The following ZZEF1 variants were observed in gnomAD, a reference collection of about 807,000 sequenced individuals.
ZZEF1 encodes zinc finger ZZ-type and EF-hand domain-containing protein 1.
ZZEF1 carries 157 observed loss-of-function variants against 342.8 expected under a neutral mutation model. That is an observed-to-expected ratio of 0.46 (90% confidence interval 0.40 to 0.52). The LOEUF is 0.52. Among genes scored for constraint, ZZEF1 ranks in the 20% least tolerant of loss-of-function variants. The probability of loss-of-function intolerance (pLI) is 0.00; values close to 1 mark genes in which losing one functional copy is unlikely to be tolerated. For missense variants in ZZEF1, 3,480 were observed against 3,725.6 expected, an observed-to-expected ratio of 0.93 and a Z score of 1.72; for synonymous variants, 1,505 against 1,429.1, an observed-to-expected ratio of 1.05 and a Z score of -1.20.
At position 4,025,019 on chromosome 17, in the gene ZZEF1, C is replaced by T; in HGVS notation, c.6992G>A (p.Ser2331Asn). 2.5e-6 allele frequency: 4 copies of T among 1,614,228 alleles called. No homozygotes were observed. The South Asian group carries it at 4.4e-5, about 18-fold the overall frequency. Residue 2331 changes from serine (S) to asparagine (N), a missense_variant, in exon 43 of 55, where the codon AGT (serine) becomes AAT (asparagine). By Grantham distance (46) the Ser-to-Asn change is conservative. Around this residue, in one of 5 missense-constraint regions of ZZEF1, gnomAD observed 1,269 missense variants for 1,342.4 expected, o/e 0.95. Transcript: ENST00000381638. ...GTCCATGCTGCTTTGCAGAAGGTGA[C>T]TGGCGATAAAGGCAAAGTGCTGGGA... ...QYSQHFAFIA[S>N]HLLQSSMDSH...
At chr17:4,103,630 G>A (rs771689519) in intron 8 of ZZEF1, among the ~76,000 whole-genome samples, 3 of 151,950 alleles carry the variant, frequency 2.0e-5, no homozygotes, top group Non-Finnish European at 2.9e-5. Context: ...GAAACCTCAC[G>A]GCAGAAGCCA....
chr17:4,100,625 G>A (rs2058111130), intron 9 of ZZEF1, among the ~76,000 whole-genome samples: 1 of 152,164 alleles, frequency 6.6e-6, no homozygotes, highest in Admixed American at 6.6e-5. Flanking sequence ...CACGAGGTCA[G>A]GAGATCGAGA....
chr17:4,062,885 T>C lies in ZZEF1; in HGVS notation c.4751A>G (p.Gln1584Arg), dbSNP rs1214828859. The C allele has an allele frequency of 3.7e-6, 6 of 1,612,412 alleles. No homozygotes were observed. Among genetic ancestry groups the C allele is most frequent in the Middle Eastern group, 3.7e-4 (2 of 5,386 alleles). ...CAGGACTTCCAGGATGCTCTGGGCC[T>C]GGGCTTTCCTCAGGGAAAGAACCTT... Reference protein sequence around the residue: ...VVKVLSLRKAQAQSILEVLKI... With the variant: ...VVKVLSLRKARAQSILEVLKI... The change falls in exon 30 of 55, where the codon CAG (glutamine) becomes CGG (arginine). Residue 1584 changes from glutamine (Q) to arginine (R), a missense_variant. Gln to Arg is a conservative substitution (Grantham distance 43, BLOSUM62 1). Coordinates refer to ENST00000381638, the MANE Select transcript of ZZEF1 (RefSeq NM_015113.4).
At chr17:4,104,540 T>C in intron 8 of ZZEF1, 93 bp downstream of exon 8, 3 of 1,387,624 alleles carry the variant, frequency 2.2e-6, no homozygotes, top group Non-Finnish European at 3.0e-6. Context: ...CCCAAAAAGA[T>C]GAGAAGATAC....
intron 43 of ZZEF1, 126 bp from the exon 44 acceptor site, chr17:4,022,954 A>C (rs1168897425): frequency 2.2e-5 from 29 of 1,307,556 alleles, no homozygotes; most frequent in Non-Finnish European, 2.8e-5. Context: ...TTTTGAATGA[A>C]GCCTATTTTA....
At chr17:4,132,160 T>C (rs899177455) in intron 1 of ZZEF1, among the ~76,000 whole-genome samples, 1 of 151,852 alleles carries the variant, frequency 6.6e-6, no homozygotes, top group East Asian at 1.9e-4. Context: ...CTATATACCG[T>C]GTGCATGTAC....
intron 24 of ZZEF1, among the ~76,000 whole-genome samples, chr17:4,073,889 C>T (rs1007658037): frequency 5.9e-5 from 9 of 151,916 alleles, no homozygotes; most frequent in African/African-American, 1.7e-4. Flanking sequence ...AAAAAAATGA[C>T]AATGTTGCCA....
At chr17:4,136,916 T>C (rs2058758053) in intron 1 of ZZEF1, among the ~76,000 whole-genome samples, 1 of 152,106 alleles carries the variant, frequency 6.6e-6, no homozygotes. Flanking sequence ...TCAAACTCCA[T>C]GCTGCTGGTA....
At chr17:4,038,875 T>G (rs1241020272) in intron 39 of ZZEF1, among the ~76,000 whole-genome samples, 1 of 152,110 alleles carries the variant, frequency 6.6e-6, no homozygotes, top group Non-Finnish European at 1.5e-5. Flanking sequence ...ATGCAGCGAC[T>G]TACTCCAGCT....
intron 1 of ZZEF1, among the ~76,000 whole-genome samples, chr17:4,125,219 C>G (rs566107187): frequency 2.0e-5 from 3 of 152,052 alleles, no homozygotes; most frequent in Non-Finnish European, 4.4e-5. Flanking sequence ...TTCTGCCCTC[C>G]TGCTGATACA....
chr17:4,061,700 G>C (rs2057290352), intron 30 of ZZEF1, among the ~76,000 whole-genome samples: 1 of 151,996 alleles, frequency 6.6e-6, no homozygotes, highest in Admixed American at 6.6e-5. Flanking sequence ...CAAATCCTAG[G>C]AGTTTCCCAT....
At chr17:4,048,009 A>G (rs887697809) in intron 37 of ZZEF1, among the ~76,000 whole-genome samples, 2 of 152,206 alleles carry the variant, frequency 1.3e-5, no homozygotes, top group Non-Finnish European at 2.9e-5. Flanking sequence ...AAACCCTATT[A>G]AGTCCATTCT....
intron 36 of ZZEF1, 28 bp downstream of exon 36, chr17:4,050,753 T>C: frequency 2.5e-6 from 4 of 1,611,800 alleles, no homozygotes; most frequent in Non-Finnish European, 2.5e-6. Context: ...TGAGGGCTGG[T>C]TTTGGTTTCT....
chr17:4,041,631 T>A (rs1049016546), intron 39 of ZZEF1, among the ~76,000 whole-genome samples: 3 of 152,192 alleles, frequency 2.0e-5, no homozygotes, highest in African/African-American at 7.2e-5. Context: ...AAATTCATTA[T>A]CAGCTCAGTG....
intron 1 of ZZEF1, among the ~76,000 whole-genome samples, 181 bp downstream of exon 1, chr17:4,142,361 T>C (rs1291978980): frequency 6.6e-6 from 1 of 152,226 alleles, no homozygotes; most frequent in East Asian, 1.9e-4. Context: ...GACGGCCTGA[T>C]GCAGACTTTC....
At chr17:4,134,560 G>C (rs1369822176) in intron 1 of ZZEF1, among the ~76,000 whole-genome samples, 3 of 151,924 alleles carry the variant, frequency 2.0e-5, no homozygotes, top group Admixed American at 6.6e-5. Context: ...ATTTACAACA[G>C]CCAATGTTAG....
intron 16 of ZZEF1, among the ~76,000 whole-genome samples, chr17:4,084,535 C>A (rs1837712473): frequency 6.6e-6 from 1 of 152,186 alleles, no homozygotes; most frequent in Admixed American, 6.5e-5. Context: ...CTGTGTTTTA[C>A]CATCATTGTA....
intron 1 of ZZEF1, among the ~76,000 whole-genome samples, chr17:4,139,129 C>T (rs1185552268): frequency 7.8e-6 from 1 of 128,138 alleles, no homozygotes; most frequent in East Asian, 2.1e-4. Context: ...ATAAACCATG[C>T]GCACCTTCTC....
At position 4,114,439 on chromosome 17, in the gene ZZEF1, C is replaced by T. The variant is rs759807022; in HGVS notation, c.726G>A (p.Glu242=). The T allele has an allele frequency of 1.3e-6, 2 of 1,596,134 alleles. No homozygotes were observed. The highest frequency in any genetic ancestry group is 1.7e-6 in the Non-Finnish European group (2 of 1,171,474). The part of the protein sequence containing the change: ...ESPGDLTRSP[E]MDKLKSVAKC... Reference sequence around the variant, plus strand: ...TTGCTACTGACTTGAGTTTATCCATCTCTGGACTTCTAGTTAGATCTCCAG... The same window carrying T: ...TTGCTACTGACTTGAGTTTATCCATTTCTGGACTTCTAGTTAGATCTCCAG... Residue 242 remains glutamate, a synonymous_variant, in exon 4 of 55, where the codon GAG becomes GAA. Transcript: ENST00000381638.
Sources: allele counts gnomAD v4.1 joint callset (sites outside exome capture counted in the v4.1 genomes callset), GRCh38; gene constraint gnomAD v4.1.1; regional missense constraint gnomAD v4.1.1; transcripts MANE v1.5; gene names NCBI Gene and HGNC (gene_info 2026-07-23, HGNC 2026-07-21).